FAM162A: variants seen among roughly 807,000 people sequenced by gnomAD.
FAM162A encodes protein FAM162A.
A neutral mutation model predicts 21.8 loss-of-function variants in FAM162A; 23 were observed. That is an observed-to-expected ratio of 1.05 (90% CI 0.76 to 1.49). The LOEUF is 1.49. FAM162A is among the 40% of genes most tolerant of loss of function. FAM162A has a pLI of 0.00. For synonymous variants in FAM162A, 53 were observed against 61.3 expected (o/e 0.86, Z 0.64); for missense variants, 165 against 186.4 (o/e 0.89, Z 0.67).
At chr3:122,390,023 A>G (rs947650277) in intron 1 of FAM162A, among the ~76,000 whole-genome samples, 1 of 152,186 alleles carries the variant, frequency 6.6e-6, no homozygotes, top group Non-Finnish European at 1.5e-5. Context: ...CTGTGGTCCC[A>G]ACTACTCCAG....
Position 122,388,824 on chromosome 3 carries a change from C to T in FAM162A, c.34+4525C>T, listed in dbSNP as rs369830457. On this transcript the variant is annotated intron_variant, in intron 1 of 4. Transcript: ENST00000477892. ...CAGCATTTTGGGAGGCCGAGGTGGG[C>T]GGATCACGAGGTCAGGAGATCGAGA... Among the ~76,000 whole-genome samples the T allele has an allele frequency of 7.2e-5, 11 of 152,100 alleles. No homozygotes were observed. In the South Asian group the frequency reaches 8.3e-4, roughly 11 times the overall value.
At chr3:122,398,633 G>C (rs2075639847) in intron 1 of FAM162A, among the ~76,000 whole-genome samples, 1 of 152,054 alleles carries the variant, frequency 6.6e-6, no homozygotes. Context: ...ATTTTAAAAA[G>C]TAAGAGGGGA....
chr3:122,391,973 C>G (rs1326118353), intron 1 of FAM162A, among the ~76,000 whole-genome samples: 1 of 152,200 alleles, frequency 6.6e-6, no homozygotes, highest in African/African-American at 2.4e-5. Context: ...CAGTAGAATG[C>G]AAGTTCTATT....
chr3:122,401,534 G>A (rs2075653627), intron 1 of FAM162A: 16 of 1,271,362 alleles, frequency 1.3e-5, no homozygotes, highest in Non-Finnish European at 1.6e-5. Flanking sequence ...GTGCAATTAT[G>A]AGTAAGTGTA....
chr3:122,399,259 A>G (rs772790714), intron 1 of FAM162A, among the ~76,000 whole-genome samples: 4 of 152,186 alleles, frequency 2.6e-5, no homozygotes, highest in Non-Finnish European at 5.9e-5. Context: ...CCTACAGAGG[A>G]CATGCTCTCA....
intron 1 of FAM162A, among the ~76,000 whole-genome samples, chr3:122,384,938 A>G (rs1047558720): frequency 2.6e-5 from 4 of 152,164 alleles, no homozygotes; most frequent in African/African-American, 9.7e-5. Context: ...TTGTGTGATG[A>G]CTATTTTGGA....
chr3:122,391,523 A>G (rs1296107883), intron 1 of FAM162A, among the ~76,000 whole-genome samples: 1 of 152,256 alleles, frequency 6.6e-6, no homozygotes, highest in Non-Finnish European at 1.5e-5. Flanking sequence ...CAGCATTTAT[A>G]CTGTAGGGAG....
chr3:122,402,749 C>G lies in FAM162A; in HGVS notation c.35-11C>G. The G allele has an allele frequency of 2.0e-6, 3 of 1,489,286 alleles. No individual in the cohort carries two copies. Among genetic ancestry groups the G allele is most frequent in the Non-Finnish European group, 2.7e-6 (3 of 1,118,350 alleles). 92.3% of individuals were successfully genotyped at this position (1,489,286 alleles called of 1,614,324 possible). A position where few individuals can be genotyped will look rare whatever the true frequency, so the allele number is the denominator to read the frequency against. The stretch of plus-strand genomic sequence containing the variant: ...CTTTCTTTCTTTGAAACATTTTCCT[C>G]TCTTTTTTAGGAAGCTGTTTTAGGT... On this transcript the variant is annotated splice_polypyrimidine_tract_variant and intron_variant, in intron 1 of 4. Transcript: ENST00000477892.
chr3:122,391,831 C>G (rs7646110), intron 1 of FAM162A, among the ~76,000 whole-genome samples: 33,459 of 152,204 alleles, frequency 0.22, 4,213 homozygotes, highest in Non-Finnish European at 0.27. Flanking sequence ...GAGTGACATT[C>G]TCACAGAGGA....
At chr3:122,389,395 A>T (rs1015872263) in intron 1 of FAM162A, among the ~76,000 whole-genome samples, 4 of 143,568 alleles carry the variant, frequency 2.8e-5, no homozygotes, top group Non-Finnish European at 6.0e-5. Flanking sequence ...AGATAGATAG[A>T]TAGATAGATA....
Position 122,411,078 on chromosome 3 carries a change from C to G in FAM162A, c.*1247C>G, listed in dbSNP as rs1393353966. On this transcript the variant is annotated 3_prime_UTR_variant, in exon 5 of 5. Transcript: ENST00000477892. ...GGGTACTATCCACAGTTTCAGGCATCTACTGGGGGGTCTTGGAATATATCC... is the reference window on the plus strand; with the variant it reads ...GGGTACTATCCACAGTTTCAGGCATGTACTGGGGGGTCTTGGAATATATCC... 2 of 152,270 alleles carry G rather than the reference C, an allele frequency of 1.3e-5. No homozygotes were observed. Among genetic ancestry groups the G allele is most frequent in the Non-Finnish European group, 2.9e-5 (2 of 68,092 alleles). The allele number at this position is 152,270 out of a possible 1,614,324, so 9.4% of individuals were successfully genotyped here. A position where few individuals can be genotyped will look rare whatever the true frequency, so the allele number is the denominator to read the frequency against.
chr3:122,408,882 T>G (rs2075690479), intron 4 of FAM162A, among the ~76,000 whole-genome samples: 1 of 150,394 alleles, frequency 6.6e-6, no homozygotes, highest in East Asian at 1.9e-4. Context: ...AATTGTAACA[T>G]TTTAGTTTTA....
intron 4 of FAM162A, chr3:122,407,715 A>G (rs1404168720): frequency 2.5e-6 from 1 of 393,440 alleles, no homozygotes; most frequent in Non-Finnish European, 4.6e-6. Context: ...CCCACTGCAT[A>G]TTTCCAGAGT....
intron 1 of FAM162A, among the ~76,000 whole-genome samples, chr3:122,391,923 C>T (rs547837373): frequency 1.3e-5 from 2 of 152,272 alleles, no homozygotes; most frequent in South Asian, 4.1e-4. Context: ...ATTTTTTTCT[C>T]TCTGGCACTT....
At chr3:122,400,116 A>G (rs1035129153) in intron 1 of FAM162A, among the ~76,000 whole-genome samples, 1 of 152,142 alleles carries the variant, frequency 6.6e-6, no homozygotes, top group African/African-American at 2.4e-5. Flanking sequence ...AAGGCTTGGA[A>G]CCAACCCAAA....
chr3:122,404,390 C>A, intron 3 of FAM162A, 27 bp downstream of exon 3: 2 of 1,274,814 alleles, frequency 1.6e-6, no homozygotes, highest in Non-Finnish European at 2.2e-6. Flanking sequence ...GTATTACAAG[C>A]AGCTTTCATT....
chr3:122,407,420 G>A lies in FAM162A; in HGVS notation c.372+31G>A, dbSNP rs767226611. The A allele has an allele frequency of 7.0e-5, 108 of 1,533,488 alleles. 1 individual carries two copies. The South Asian group carries it at 1.1e-3, about 16-fold the overall frequency. The allele number at this position is 1,533,488 out of a possible 1,614,324, so 95.0% of individuals were successfully genotyped here. On this transcript the variant is annotated intron_variant, in intron 4 of 4. Transcript: ENST00000477892. ...AAGGGGTTTCTTCTCTATCCAGTAT[G>A]TATGTTCTCCACCAAGAACCTAGAG...
intron 4 of FAM162A, among the ~76,000 whole-genome samples, chr3:122,408,323 C>T (rs1056489713): frequency 6.6e-6 from 1 of 152,172 alleles, no homozygotes; most frequent in African/African-American, 2.4e-5. Flanking sequence ...TTTTTATATT[C>T]AGCAGCTTTG....
intron 1 of FAM162A, among the ~76,000 whole-genome samples, chr3:122,388,483 A>G (rs1323626569): frequency 1.3e-5 from 2 of 152,168 alleles, no homozygotes; most frequent in Non-Finnish European, 2.9e-5. Flanking sequence ...TCTGGAGTTG[A>G]TTTTTAAAAC....
Sources: allele counts gnomAD v4.1 joint callset (sites outside exome capture counted in the v4.1 genomes callset), GRCh38; gene constraint gnomAD v4.1.1; transcripts MANE v1.5; gene names NCBI Gene and HGNC (gene_info 2026-07-23, HGNC 2026-07-21).